The following RGPD2 variants were observed in gnomAD, a reference collection of about 807,000 sequenced individuals.
RGPD2 encodes the protein RANBP2-like and GRIP domain-containing protein 2.
Under a neutral mutation model 36.0 loss-of-function variants are expected in RGPD2, and 2 were observed. The ratio of observed to expected loss-of-function variants is 0.06; its 90% CI spans 0.02 to 0.17. RGPD2 has a LOEUF of 0.17. Ranked by LOEUF, RGPD2 falls within the 10% of genes least tolerant of loss-of-function variation. The probability of loss-of-function intolerance (pLI) is 1.00; values close to 1 mark genes in which losing one functional copy is unlikely to be tolerated. For missense variants in RGPD2, 40 were observed against 464.3 expected, an observed-to-expected ratio of 0.09 and a Z score of 8.40; for synonymous variants, 19 against 163.8, an observed-to-expected ratio of 0.12 and a Z score of 6.75.
the RGPD2 span, among the ~76,000 whole-genome samples, chr2:87,966,271 T>C: frequency 5.3e-5 from 8 of 151,500 alleles, no homozygotes; most frequent in Admixed American, 5.3e-4. Context: ...AAAATTATTT[T>C]GCAATGGAAC....
At chr2:87,827,726 A>G (rs1323231140), upstream of RGPD2, among the ~76,000 whole-genome samples, 3 of 49,546 alleles carry the variant, frequency 6.1e-5, no homozygotes, top group Admixed American at 2.6e-4. Flanking sequence ...CAATCAACAA[A>G]TTTTTCTTGA....
chr2:87,928,903 T>G, the RGPD2 span, among the ~76,000 whole-genome samples: 1 of 151,966 alleles, frequency 6.6e-6, no homozygotes, highest in South Asian at 2.1e-4. Context: ...AGGTGGGTTT[T>G]TTTTTCTTGT....
chr2:87,845,909 ATTATC>A, the RGPD2 span, among the ~76,000 whole-genome samples: 1,006 of 151,984 alleles, frequency 6.6e-3, 3 homozygotes, highest in Non-Finnish European at 9.5e-3. Flanking sequence ...TATTGACAGT[ATTATC>A]TTATAATTTT....
chr2:87,922,078 G>A, the RGPD2 span, among the ~76,000 whole-genome samples: 1 of 151,518 alleles, frequency 6.6e-6, no homozygotes, highest in Non-Finnish European at 1.5e-5. Flanking sequence ...CGGATCACAA[G>A]GTCAGTAGTT....
the RGPD2 span, chr2:87,989,200 A>C: frequency 2.5e-6 from 1 of 401,972 alleles, no homozygotes; most frequent in Non-Finnish European, 4.3e-6. Flanking sequence ...AAGTAAATAA[A>C]ATCTGTGCAT....
chr2:87,827,204 G>GA (rs1293012908), upstream of RGPD2, among the ~76,000 whole-genome samples: 2 of 152,120 alleles, frequency 1.3e-5, no homozygotes, highest in African/African-American at 4.8e-5. Context: ...ATGTGTGTGT[G>GA]AAAAAATGGA....
At chr2:87,972,791 G>T in the RGPD2 span, 1 of 1,611,722 alleles carries the variant, frequency 6.2e-7, no homozygotes, top group South Asian at 1.1e-5. Context: ...CTGCTGCAGG[G>T]AGACTGGCTG....
the RGPD2 span, among the ~76,000 whole-genome samples, chr2:87,877,327 G>C: frequency 3.9e-4 from 59 of 152,344 alleles, no homozygotes; most frequent in South Asian, 0.011. Context: ...GTGTGTTTTT[G>C]TAGTGTTTGG....
the RGPD2 span, among the ~76,000 whole-genome samples, chr2:87,881,856 A>G: frequency 1.3e-5 from 2 of 152,204 alleles, no homozygotes; most frequent in African/African-American, 4.8e-5. Flanking sequence ...ACTAGGTTTT[A>G]TTGCCTCATG....
chr2:87,961,328 C>T, the RGPD2 span, among the ~76,000 whole-genome samples: 14,050 of 152,108 alleles, frequency 0.092, 1,017 homozygotes, highest in African/African-American at 0.21. Context: ...TTGTGTACTG[C>T]GTCAGCACTG....
chr2:87,905,406 C>T, the RGPD2 span, among the ~76,000 whole-genome samples: 8 of 152,024 alleles, frequency 5.3e-5, no homozygotes, highest in Non-Finnish European at 5.9e-5. Context: ...GTATTAAATC[C>T]GAAGTGTCAG....
the RGPD2 span, among the ~76,000 whole-genome samples, chr2:87,846,186 T>A: frequency 6.6e-6 from 1 of 151,808 alleles, no homozygotes; most frequent in Admixed American, 6.6e-5. Flanking sequence ...CATTGGTATA[T>A]AATTCACATA....
chr2:87,858,090 G>C, the RGPD2 span, among the ~76,000 whole-genome samples: 506 of 151,734 alleles, frequency 3.3e-3, no homozygotes, highest in African/African-American at 0.01. Flanking sequence ...TCCATGTGTA[G>C]ATATAAATTG....
chr2:87,846,293 C>A, the RGPD2 span, among the ~76,000 whole-genome samples: 1 of 151,990 alleles, frequency 6.6e-6, no homozygotes, highest in East Asian at 1.9e-4. Flanking sequence ...AGGAGATTTT[C>A]ATTACTCTTA....
At chr2:87,905,613 G>T in the RGPD2 span, among the ~76,000 whole-genome samples, 1 of 151,520 alleles carries the variant, frequency 6.6e-6, no homozygotes, top group African/African-American at 2.4e-5. Context: ...CCGATGATGA[G>T]GAGGGGTGGA....
the RGPD2 span, among the ~76,000 whole-genome samples, chr2:87,879,512 C>T: frequency 6.6e-5 from 8 of 121,936 alleles, no homozygotes; most frequent in Non-Finnish European, 1.3e-4. Flanking sequence ...TACTCTCTAT[C>T]TCCATTAGTT....
the RGPD2 span, among the ~76,000 whole-genome samples, chr2:87,876,511 G>A: frequency 9.8e-5 from 15 of 152,370 alleles, no homozygotes; most frequent in East Asian, 5.8e-4. Context: ...GGAGCGGATC[G>A]CTCAATTTCC....
At chr2:87,875,330 G>A in the RGPD2 span, among the ~76,000 whole-genome samples, 2 of 152,230 alleles carry the variant, frequency 1.3e-5, no homozygotes, top group South Asian at 2.1e-4. Context: ...GTGTGATATT[G>A]GCTGTGAGTT....
chr2:87,860,927 T>C, the RGPD2 span, among the ~76,000 whole-genome samples: 4 of 151,664 alleles, frequency 2.6e-5, no homozygotes, highest in African/African-American at 9.7e-5. Context: ...GCCCCCTTTT[T>C]CTCTATTATG....
Sources: gnomAD v4.1 joint callset for allele counts (sites outside exome capture counted in the v4.1 genomes callset) on GRCh38, gnomAD v4.1.1 for gene constraint, MANE v1.5 for transcripts, NCBI Gene and HGNC (gene_info 2026-07-23, HGNC 2026-07-21) for gene names.